PHF20: variants seen among roughly 807,000 people sequenced by gnomAD.
PHF20 encodes the protein glioma-expressed antigen 2.
A neutral mutation model predicts 113.5 loss-of-function variants in PHF20; 23 were observed. The observed-to-expected ratio is 0.20, with a 90% CI of 0.15 to 0.29. PHF20 has a LOEUF of 0.29. Among genes scored for constraint, PHF20 ranks in the 10% least tolerant of loss-of-function variants. The probability of loss-of-function intolerance (pLI) is 1.00; values close to 1 mark genes in which losing one functional copy is unlikely to be tolerated. For missense variants in PHF20, 943 were observed against 1,219.6 expected, an observed-to-expected ratio of 0.77 and a Z score of 3.38; for synonymous variants, 434 against 457.3, an observed-to-expected ratio of 0.95 and a Z score of 0.65.
chr20:35,816,159 G>A (rs751342018), intron 2 of PHF20, among the ~76,000 whole-genome samples: 2 of 151,794 alleles, frequency 1.3e-5, no homozygotes, highest in Non-Finnish European at 2.9e-5. Context: ...GTTTTACCAC[G>A]TTGGCCAGGA....
intron 2 of PHF20, among the ~76,000 whole-genome samples, chr20:35,839,758 T>C (rs74431448): frequency 0.05 from 7,665 of 152,222 alleles, 240 homozygotes; most frequent in African/African-American, 0.098. Flanking sequence ...CAATTAGGAA[T>C]TATGGAAAAC....
At chr20:35,913,450 G>A (rs1023687966) in intron 11 of PHF20, 103 bp downstream of exon 11, 6 of 787,878 alleles carry the variant, frequency 7.6e-6, no homozygotes, top group Non-Finnish European at 1.3e-5. Context: ...AGCAGAGGAA[G>A]GACCAATAGT....
At chr20:35,785,173 TAC>T (rs2146835985) in intron 1 of PHF20, among the ~76,000 whole-genome samples, 1 of 152,240 alleles carries the variant, frequency 6.6e-6, no homozygotes, top group East Asian at 1.9e-4. Flanking sequence ...CTTCGTAAAA[TAC>T]TGCTGACTTC....
chr20:35,941,061 A>G lies in PHF20; in HGVS notation c.2896+14A>G. 1.9e-6 allele frequency: 3 copies of G among 1,607,264 alleles called. No homozygotes were observed. Among genetic ancestry groups the G allele is most frequent in the South Asian group, 1.1e-5 (1 of 90,446 alleles). ...AGGAGTTGGATGGTAGGGCTCCTTC[A>G]TTGGCCCCCTGTGCATTGGCATGCA... On this transcript the variant is annotated intron_variant, in intron 17 of 17. Transcript: ENST00000374012.
At chr20:35,891,644 G>A (rs1280830683) in intron 9 of PHF20, among the ~76,000 whole-genome samples, 1 of 152,158 alleles carries the variant, frequency 6.6e-6, no homozygotes. Flanking sequence ...GGCCTAGACT[G>A]GCTGAACTGG....
At chr20:35,875,644 A>G (rs117813572) in intron 9 of PHF20, among the ~76,000 whole-genome samples, 2 of 152,154 alleles carry the variant, frequency 1.3e-5, no homozygotes, top group African/African-American at 4.8e-5. Context: ...ATGAGGTGGA[A>G]ATTTAATCTC....
chr20:35,809,729 A>AC (rs1464439879), intron 2 of PHF20, among the ~76,000 whole-genome samples: 1 of 151,440 alleles, frequency 6.6e-6, no homozygotes, highest in African/African-American at 2.4e-5. Flanking sequence ...AAAAAAAAAA[A>AC]AAAATTCTGG....
intron 10 of PHF20, among the ~76,000 whole-genome samples, chr20:35,906,014 T>C (rs1239254358): frequency 6.6e-6 from 1 of 152,248 alleles, no homozygotes; most frequent in African/African-American, 2.4e-5. Context: ...CTTGGGTTTC[T>C]TTCTACTTAG....
In PHF20 at chr20:35,837,469, A is replaced by G. The variant is rs1003571231; in HGVS notation, c.84-5104A>G. Among the ~76,000 whole-genome samples, 32 of 152,206 alleles carry G rather than the reference A, an allele frequency of 2.1e-4. 1 individual carries two copies. The highest frequency in any genetic ancestry group is 7.2e-4 in the African/African-American group (30 of 41,454). On this transcript the variant is annotated intron_variant, in intron 2 of 17. Transcript: ENST00000374012. ...TGGCTCTTAGTTACACAGGGAAGCT[A>G]GAAATTCTCTCTTCCTTTTCTGCCT...
chr20:35,773,741 C>T (rs1382575734), intron 1 of PHF20, among the ~76,000 whole-genome samples: 1 of 152,124 alleles, frequency 6.6e-6, no homozygotes, highest in African/African-American at 2.4e-5. Flanking sequence ...TGCCTGGGCC[C>T]CCAGCGCTGG....
Position 35,917,539 on chromosome 20 carries a change from G to A in PHF20, c.1881G>A (p.Glu627=), listed in dbSNP as rs771111336. ...SSESFLWSDD[E]YGQDVDVTTN... is the part of the protein sequence containing the mutation. ...AGAGCTTTCTCTGGAGTGATGATGA[G>A]TATGGCCAAGATGTGGATGTGACCA... Residue 627 remains glutamate, a synonymous_variant, in exon 13 of 18, where the codon GAG becomes GAA. Transcript: ENST00000374012. 70 of 1,613,988 alleles carry A rather than the reference G, an allele frequency of 4.3e-5. No homozygotes were observed. The highest frequency in any genetic ancestry group is 5.4e-5 in the Non-Finnish European group (64 of 1,179,988).
intron 4 of PHF20, chr20:35,855,484 TATTTTTAATTTTTTTAAAA>T (rs200086772): frequency 0.05 from 7,791 of 154,972 alleles, 323 homozygotes; most frequent in African/African-American, 0.099. Flanking sequence ...CTTTTTTTTA[TATTTTTAATTTTTTTAAAA>T]ATTTTTAATT....
rs909938214 is a variant in PHF20 at position 35,925,549 on chromosome 20, T to G, written c.2005-2231T>G. ...AAAGTGCTGGCTGGGATTACAGGCA[T>G]GAGCCACTGTGCTTGGCCGGGACTA... On this transcript the variant is annotated intron_variant, in intron 13 of 17. Coordinates refer to ENST00000374012, the MANE Select transcript of PHF20 (RefSeq NM_016436.5). Among the ~76,000 whole-genome samples, 80 of 151,832 alleles carry G rather than the reference T, an allele frequency of 5.3e-4. 3 individuals are homozygous for G. The highest frequency in any genetic ancestry group is 7.4e-5 in the Non-Finnish European group (5 of 67,960).
At chr20:35,868,947 C>T (rs571588263) in intron 6 of PHF20, among the ~76,000 whole-genome samples, 64 of 151,878 alleles carry the variant, frequency 4.2e-4, no homozygotes, top group Non-Finnish European at 3.5e-4. Context: ...AAAAATTAGC[C>T]GGGTGTGGTG....
At chr20:35,833,312 A>G (rs568128669) in intron 2 of PHF20, among the ~76,000 whole-genome samples, 2 of 152,042 alleles carry the variant, frequency 1.3e-5, no homozygotes, top group East Asian at 3.9e-4. Flanking sequence ...TTTATTATGA[A>G]TTTTTGCTTA....
intron 1 of PHF20, among the ~76,000 whole-genome samples, chr20:35,786,115 G>A (rs1366594357): frequency 5.3e-5 from 8 of 151,934 alleles, no homozygotes; most frequent in South Asian, 2.1e-4. Flanking sequence ...CCAGCTGGGC[G>A]TGGTGGCTCA....
intron 1 of PHF20, among the ~76,000 whole-genome samples, chr20:35,788,973 A>T (rs2041481909): frequency 6.6e-6 from 1 of 152,160 alleles, no homozygotes; most frequent in Admixed American, 6.6e-5. Flanking sequence ...CTTGGGAGAG[A>T]TCTGCTTAGA....
intron 4 of PHF20, among the ~76,000 whole-genome samples, chr20:35,848,023 C>A (rs2042653758): frequency 6.6e-6 from 1 of 152,102 alleles, no homozygotes; most frequent in Non-Finnish European, 1.5e-5. Flanking sequence ...CGGTCAGGAT[C>A]CTGGCACCTG....
intron 2 of PHF20, among the ~76,000 whole-genome samples, chr20:35,821,982 A>G (rs1423842009): frequency 6.6e-6 from 1 of 152,200 alleles, no homozygotes; most frequent in Non-Finnish European, 1.5e-5. Flanking sequence ...TAGGGAGATG[A>G]TAAGCAGTTT....
Sources: gnomAD v4.1 joint callset for allele counts (sites outside exome capture counted in the v4.1 genomes callset) on GRCh38, gnomAD v4.1.1 for gene constraint, MANE v1.5 for transcripts, NCBI Gene and HGNC (gene_info 2026-07-23, HGNC 2026-07-21) for gene names.